The following SLC30A5 variants were observed in gnomAD, a reference collection of about 807,000 sequenced individuals.
The protein encoded by SLC30A5 is solute carrier family 30 member 5.
In SLC30A5, 33 loss-of-function variants were observed where a neutral mutation model predicts 79.6. The observed-to-expected ratio is 0.41, with a 90% CI of 0.31 to 0.55. The LOEUF (loss-of-function observed/expected upper bound fraction) is 0.55, where lower values mean the gene tolerates loss of function less well. Among genes scored for constraint, SLC30A5 ranks in the 20% least tolerant of loss-of-function variants. The pLI is 0.20. For synonymous variants in SLC30A5, 299 were observed against 319.7 expected (o/e 0.94, Z 0.69); for missense variants, 788 against 928.1 (o/e 0.85, Z 1.96).
intron 5 of SLC30A5, among the ~76,000 whole-genome samples, chr5:69,111,098 A>G (rs1374392400): frequency 2.6e-5 from 4 of 151,718 alleles, no homozygotes; most frequent in Admixed American, 6.6e-5. Context: ...GGTTCAAGCA[A>G]TTCTCCTGCT....
chr5:69,102,636 G>C (rs1033362139), intron 2 of SLC30A5: 1 of 152,244 alleles, frequency 6.6e-6, no homozygotes, highest in African/African-American at 2.4e-5. Flanking sequence ...GAGGCAGGCG[G>C]ATCACCTGAA....
chr5:69,108,295 C>T (rs1389595648), intron 4 of SLC30A5, 54 bp from the exon 5 acceptor site: 11 of 1,358,430 alleles, frequency 8.1e-6, no homozygotes, highest in East Asian at 6.9e-5. Flanking sequence ...TGAATTCATG[C>T]GTCTTGATAA....
intron 1 of SLC30A5, among the ~76,000 whole-genome samples, chr5:69,095,319 G>C (rs1252422710): frequency 1.3e-5 from 2 of 148,944 alleles, no homozygotes; most frequent in East Asian, 4.0e-4. Context: ...TCCTGCCTCA[G>C]CCTCCCGAGG....
chr5:69,102,437 C>G (rs958159961), intron 2 of SLC30A5: 1 of 152,074 alleles, frequency 6.6e-6, no homozygotes, highest in African/African-American at 2.4e-5. Context: ...TTTCATTATA[C>G]TATTTCAAGA....
intron 1 of SLC30A5, among the ~76,000 whole-genome samples, chr5:69,095,065 T>G (rs1434220884): frequency 6.6e-6 from 1 of 152,210 alleles, no homozygotes; most frequent in Non-Finnish European, 1.5e-5. Flanking sequence ...GCAATTTGGC[T>G]GGAACTGGTG....
chr5:69,100,900 T>C lies in SLC30A5; in HGVS notation c.177T>C (p.Ile59=), dbSNP rs1321778211. 5 of 1,579,898 alleles carry C rather than the reference T, an allele frequency of 3.2e-6. No individual in the cohort carries two copies. The African/African-American group carries it at 6.7e-5, about 21-fold the overall frequency. The change falls in exon 2 of 16, where the codon ATT becomes ATC. Residue 59 remains isoleucine, a synonymous_variant. Coordinates refer to ENST00000396591, the MANE Select transcript of SLC30A5 (RefSeq NM_022902.5). ...ATGATCTCCTAAAAGCTGTTCACAT[T>C]GTTCAGTTCATTTTTATATTAAAAC... The part of the protein sequence containing the change: ...ESYDLLKAVH[I]VQFIFILKLG...
At chr5:69,104,327 G>A (rs528023608) in intron 3 of SLC30A5, 13 of 523,848 alleles carry the variant, frequency 2.5e-5, no homozygotes, top group South Asian at 1.4e-4. Context: ...TAGTAGAGAC[G>A]GGGCTTCATT....
At chr5:69,102,767 A>T (rs1745965410) in intron 2 of SLC30A5, 1 of 174,548 alleles carries the variant, frequency 5.7e-6, no homozygotes, top group East Asian at 1.7e-4. Context: ...AGGCTGAGGC[A>T]GGAGAATTGC....
intron 5 of SLC30A5, 21 bp downstream of exon 5, chr5:69,108,457 T>C: frequency 2.0e-6 from 3 of 1,522,556 alleles, no homozygotes; most frequent in Non-Finnish European, 2.7e-6. Flanking sequence ...CCATTATCAG[T>C]TACTTGGAAA....
chr5:69,112,622 A>T (rs938533497), intron 5 of SLC30A5, among the ~76,000 whole-genome samples: 17 of 151,598 alleles, frequency 1.1e-4, no homozygotes, highest in African/African-American at 1.9e-4. Context: ...AAAAAAAAAA[A>T]TTTTCCCTGG....
In SLC30A5 at chr5:69,128,085, C is replaced by G; in HGVS notation, c.2080C>G (p.His694Asp). Residue 694 changes from histidine to aspartate, a missense_variant, in exon 15 of 16, where the codon CAT (histidine) becomes GAT (aspartate). Transcript: ENST00000396591. ...TGCTAGTATTGTGGCAGGAACAATT[C>G]ATATACAGGTGACATCTGATGTGCT... The part of the protein sequence containing the change: ...HSASIVAGTI[H>D]IQVTSDVLEQ... 1 of 1,612,160 alleles carries G rather than the reference C, an allele frequency of 6.2e-7. No individual in the cohort carries two copies. Among genetic ancestry groups the G allele is most frequent in the Non-Finnish European group, 8.5e-7 (1 of 1,178,844 alleles).
At chr5:69,095,391 G>A (rs1415441422) in intron 1 of SLC30A5, among the ~76,000 whole-genome samples, 2 of 151,922 alleles carry the variant, frequency 1.3e-5, no homozygotes, top group Admixed American at 6.6e-5. Flanking sequence ...TAGTAGAGAC[G>A]AGGTTTCTCC....
At chr5:69,118,311 GTATATA>G (rs1193400632) in intron 11 of SLC30A5, 182 bp from the exon 12 acceptor site, 4 of 159,032 alleles carry the variant, frequency 2.5e-5, no homozygotes, top group Non-Finnish European at 4.9e-5. Context: ...ATATATATGT[GTATATA>G]TATATATGTA....
At chr5:69,125,870 C>CAAAAAAAAAAAAAAAAAAA (rs532994254) in intron 14 of SLC30A5, among the ~76,000 whole-genome samples, 80 of 54,194 alleles carry the variant, frequency 1.5e-3, no homozygotes, top group Non-Finnish European at 1.9e-3. Flanking sequence ...GACTCCGTCT[C>CAAAAAAAAAAAAAAAAAAA]AAAAAAAAAA....
chr5:69,103,084 T>C lies in SLC30A5; in HGVS notation c.229T>C (p.Phe77Leu). The change falls in exon 3 of 16, where the codon TTT becomes CTT. Residue 77 changes from phenylalanine (F) to leucine (L), a missense_variant. Physicochemically the swap from Phe to Leu is conservative, Grantham distance 22. Transcript: ENST00000396591. ...KLGTAFFMVL[F>L]QKPFSSGKTI... Reference sequence around the variant, plus strand: ...CAGGACTGCATTTTTTATGGTTTTGTTTCAAAAGCCATTTTCTTCTGGGAA... The same window carrying C: ...CAGGACTGCATTTTTTATGGTTTTGCTTCAAAAGCCATTTTCTTCTGGGAA... 1 of 1,584,318 alleles carries C rather than the reference T, an allele frequency of 6.3e-7. No homozygotes were observed. The highest frequency in any genetic ancestry group is 8.6e-7 in the Non-Finnish European group (1 of 1,156,544).
At position 69,116,146 on chromosome 5, in the gene SLC30A5, C is replaced by T; in HGVS notation, c.1004C>T (p.Ala335Val). ...CAGCTTCGGGCTATGAACAAAGCAG[C>T]ACACCAGGAGAGCACTGAACACGTC... The part of the protein sequence containing the change: ...TDQLRAMNKA[A>V]HQESTEHVLS... The change falls in exon 9 of 16, where the codon GCA becomes GTA. Residue 335 changes from alanine (A) to valine (V), a missense_variant. Physicochemically the swap from Ala to Val is moderately conservative, Grantham distance 64. Around this residue, in one of 3 missense-constraint regions of SLC30A5, gnomAD observed 626 missense variants for 755.5 expected, o/e 0.83. Transcript: ENST00000396591. The surrounding 1 kb of genome is among the most constrained non-coding windows in gnomAD (Gnocchi z 4.0). 1 of 1,614,148 alleles carries T rather than the reference C, an allele frequency of 6.2e-7. No homozygotes were observed. The highest frequency in any genetic ancestry group is 2.2e-5 in the East Asian group (1 of 44,878).
chr5:69,121,681 TCC>T lies in SLC30A5; in HGVS notation c.1570-11_1570-10del. The T allele has an allele frequency of 1.3e-6, 2 of 1,569,116 alleles. No homozygotes were observed. Among genetic ancestry groups the T allele is most frequent in the Admixed American group, 2.0e-5 (1 of 50,680 alleles). ...ATTACTAATTTAAAGGTTTTTTTTC[TCC>T]CTTTTGCTAGCCAGTCTCAGTTGGA... On this transcript the variant is annotated splice_polypyrimidine_tract_variant and intron_variant, in intron 12 of 15. Transcript: ENST00000396591.
chr5:69,118,566 G>C lies in SLC30A5; in HGVS notation c.1507G>C (p.Val503Leu), dbSNP rs776508352. Residue 503 changes from valine (V) to leucine (L), a missense_variant, in exon 12 of 16, where the codon GTG becomes CTG. Coordinates refer to ENST00000396591, the MANE Select transcript of SLC30A5 (RefSeq NM_022902.5). ...GLFLIVIAFF[V>L]FMESVARLID... is the part of the protein sequence containing the mutation. ...TTTTCTAATAGTAATAGCGTTTTTT[G>C]TGTTTATGGAGTCAGTGGCTAGATT... The C allele has an allele frequency of 7.5e-6, 12 of 1,602,618 alleles. No homozygotes were observed. The highest frequency in any genetic ancestry group is 9.4e-6 in the Non-Finnish European group (11 of 1,175,000).
At chr5:69,122,022 A>G (rs1746549786) in intron 13 of SLC30A5, 127 bp downstream of exon 13, 1 of 671,920 alleles carries the variant, frequency 1.5e-6, no homozygotes. Context: ...TGACTAAAAG[A>G]AAGGTCTGAA....
Sources: gnomAD v4.1 joint callset for allele counts (sites outside exome capture counted in the v4.1 genomes callset) on GRCh38, gnomAD v4.1.1 for gene constraint, gnomAD v4.1.1 regional missense constraint, Gnocchi (gnomAD v3.1) non-coding constraint, MANE v1.5 for transcripts, NCBI Gene and HGNC (gene_info 2026-07-23, HGNC 2026-07-21) for gene names.